Variants in CSMD1 observed in about 807,000 individuals in gnomAD.
CSMD1 encodes the protein CUB and sushi domain-containing protein 1.
Under a neutral mutation model 417.5 loss-of-function variants are expected in CSMD1, and 213 were observed. The observed-to-expected ratio is 0.51, with a 90% CI of 0.46 to 0.57. The LOEUF is 0.57. CSMD1 is among the 20% of genes least tolerant of loss of function. The pLI is 0.00. For synonymous variants in CSMD1, 2,862 were observed against 1,736.8 expected (o/e 1.65, Z -16.11); for missense variants, 6,923 against 4,529.7 (o/e 1.53, Z -15.17).
At chr8:4,984,533 T>C (rs757759339) in intron 1 of CSMD1, among the ~76,000 whole-genome samples, 3 of 152,234 alleles carry the variant, frequency 2.0e-5, no homozygotes, top group Non-Finnish European at 4.4e-5. Context: ...CAAAGTTTTC[T>C]TGTCTGTTCT....
At chr8:4,013,188 G>A (rs1022853741) in intron 4 of CSMD1, among the ~76,000 whole-genome samples, 1 of 152,154 alleles carries the variant, frequency 6.6e-6, no homozygotes, top group Non-Finnish European at 1.5e-5. Context: ...CTGATCTACA[G>A]GGCCCACTCC....
intron 2 of CSMD1, among the ~76,000 whole-genome samples, chr8:4,630,524 T>C (rs10503266): frequency 0.076 from 11,500 of 152,178 alleles, 648 homozygotes; most frequent in East Asian, 0.19. Context: ...TAACCAGTAA[T>C]GATTGAGCTT....
intron 3 of CSMD1, among the ~76,000 whole-genome samples, chr8:4,392,425 G>A (rs1199484505): frequency 1.3e-5 from 2 of 151,998 alleles, no homozygotes; most frequent in Non-Finnish European, 2.9e-5. Context: ...CCAAAAATAT[G>A]AAGCCAAAGA....
At chr8:4,108,182 C>A (rs1037538104) in intron 3 of CSMD1, among the ~76,000 whole-genome samples, 2 of 151,932 alleles carry the variant, frequency 1.3e-5, no homozygotes, top group African/African-American at 4.8e-5. Flanking sequence ...TAAGTTGTAT[C>A]AGACTCTATG....
At chr8:3,323,056 C>G (rs1369867527) in intron 23 of CSMD1, among the ~76,000 whole-genome samples, 3 of 152,212 alleles carry the variant, frequency 2.0e-5, no homozygotes, top group African/African-American at 7.2e-5. Flanking sequence ...CAAGTCATCA[C>G]TGTCCTATAA....
At chr8:4,256,721 C>T (rs965142413) in intron 3 of CSMD1, among the ~76,000 whole-genome samples, 8 of 152,142 alleles carry the variant, frequency 5.3e-5, no homozygotes, top group South Asian at 2.1e-4. Flanking sequence ...GGAAGGAAGG[C>T]GCCAGGCACA....
At chr8:3,716,581 G>C (rs770864155) in intron 6 of CSMD1, among the ~76,000 whole-genome samples, 2 of 152,104 alleles carry the variant, frequency 1.3e-5, no homozygotes, top group Non-Finnish European at 2.9e-5. Context: ...GGAGATTTGC[G>C]CCGGCTTCTT....
In CSMD1 at chr8:4,644,094, C is replaced by A. The variant is rs569648841; in HGVS notation, c.86-6536G>T. 6.0e-4 allele frequency among the ~76,000 whole-genome samples: 92 copies of A among 152,216 alleles called. 1 individual carries two copies. The highest frequency in any genetic ancestry group is 8.5e-4 in the Non-Finnish European group (58 of 68,034). ...AGAGAGCCAAGGAATCGATTTCTCACTGTGGAGTCTTTGCCCATGAGCAAG... is the reference window on the plus strand; with the variant it reads ...AGAGAGCCAAGGAATCGATTTCTCAATGTGGAGTCTTTGCCCATGAGCAAG... On this transcript the variant is annotated intron_variant, in intron 1 of 69. Coordinates refer to ENST00000635120, the MANE Select transcript of CSMD1 (RefSeq NM_033225.6).
intron 27 of CSMD1, among the ~76,000 whole-genome samples, chr8:3,227,019 A>G (rs955439015): frequency 2.0e-5 from 3 of 152,212 alleles, no homozygotes; most frequent in African/African-American, 7.2e-5. Flanking sequence ...AAATCTATAA[A>G]GTGTGGTGTT....
At chr8:3,458,910 G>A (rs141352386) in intron 12 of CSMD1, among the ~76,000 whole-genome samples, 3 of 152,316 alleles carry the variant, frequency 2.0e-5, no homozygotes, top group Non-Finnish European at 2.9e-5. Flanking sequence ...GCTGCTGCTG[G>A]TAGCCACAGG....
At chr8:3,787,844 C>T (rs1418401431) in intron 5 of CSMD1, among the ~76,000 whole-genome samples, 1 of 152,152 alleles carries the variant, frequency 6.6e-6, no homozygotes, top group Non-Finnish European at 1.5e-5. Context: ...TCTTGCAAAG[C>T]AAGAAAAGTT....
chr8:4,177,845 T>A (rs556452340), intron 3 of CSMD1, among the ~76,000 whole-genome samples: 113 of 151,474 alleles, frequency 7.5e-4, no homozygotes, highest in African/African-American at 2.5e-3. Flanking sequence ...ATGGATAAAT[T>A]CCTCGACACA....
chr8:4,695,042 C>T (rs1782085062), intron 1 of CSMD1, among the ~76,000 whole-genome samples: 1 of 152,062 alleles, frequency 6.6e-6, no homozygotes, highest in African/African-American at 2.4e-5. Flanking sequence ...TGTCATCTTC[C>T]CCCTTCCCCC....
chr8:3,520,429 T>C lies in CSMD1; in HGVS notation c.1345-26703A>G, dbSNP rs144399210. On this transcript the variant is annotated intron_variant, in intron 10 of 69. Coordinates refer to ENST00000635120, the MANE Select transcript of CSMD1 (RefSeq NM_033225.6). ...CATCACATACAGCTAAAAAAGCATA[T>C]CTTAAAAATAAAACAATCTTAAAAT... Among the ~76,000 whole-genome samples the C allele has an allele frequency of 4.1e-3, 626 of 152,200 alleles. 3 individuals carry two copies. Among genetic ancestry groups the C allele is most frequent in the South Asian group, 0.025 (120 of 4,816 alleles).
intron 5 of CSMD1, among the ~76,000 whole-genome samples, chr8:3,862,926 G>T (rs77549414): frequency 6.6e-6 from 1 of 152,166 alleles, no homozygotes; most frequent in South Asian, 2.1e-4. Context: ...ATTTGTCTGG[G>T]GATTTTTAAA....
At chr8:4,611,914 A>G (rs1019762442) in intron 2 of CSMD1, among the ~76,000 whole-genome samples, 1 of 152,200 alleles carries the variant, frequency 6.6e-6, no homozygotes, top group Non-Finnish European at 1.5e-5. Context: ...GACAAATTCT[A>G]CATTCCTGAA....
chr8:4,084,716 G>A (rs996126221), intron 3 of CSMD1, among the ~76,000 whole-genome samples: 1 of 151,900 alleles, frequency 6.6e-6, no homozygotes, highest in Non-Finnish European at 1.5e-5. Context: ...AACAGAAAAA[G>A]CAGCCCCTCT....
At chr8:3,668,006 G>A (rs1027951170) in intron 7 of CSMD1, among the ~76,000 whole-genome samples, 18 of 152,092 alleles carry the variant, frequency 1.2e-4, no homozygotes, top group African/African-American at 1.4e-4. Flanking sequence ...GTGTCTGTGC[G>A]CCTCAGAGCA....
At chr8:3,386,263 G>A (rs1376615026) in intron 18 of CSMD1, among the ~76,000 whole-genome samples, 1 of 152,222 alleles carries the variant, frequency 6.6e-6, no homozygotes, top group Non-Finnish European at 1.5e-5. Context: ...TCACCCCTGC[G>A]TTGCTTGGCC....
Sources: allele counts gnomAD v4.1 joint callset (sites outside exome capture counted in the v4.1 genomes callset), GRCh38; gene constraint gnomAD v4.1.1; transcripts MANE v1.5; gene names NCBI Gene and HGNC (gene_info 2026-07-23, HGNC 2026-07-21).